CDH4: variants seen among roughly 807,000 people sequenced by gnomAD.
The protein encoded by CDH4 is cadherin-4.
A neutral mutation model predicts 86.0 loss-of-function variants in CDH4; 33 were observed. The ratio of observed to expected loss-of-function variants is 0.38; its 90% CI spans 0.29 to 0.51. CDH4 has a LOEUF of 0.51. CDH4 is among the 20% of genes least tolerant of loss of function. The pLI is 0.86. For synonymous variants in CDH4, 555 were observed against 549.4 expected (o/e 1.01, Z -0.14); for missense variants, 1,114 against 1,307.4 (o/e 0.85, Z 2.28).
At chr20:61,257,750 T>C (rs2084106839) in intron 2 of CDH4, among the ~76,000 whole-genome samples, 1 of 152,242 alleles carries the variant, frequency 6.6e-6, no homozygotes, top group African/African-American at 2.4e-5. Flanking sequence ...CTCTGCTTTG[T>C]TAATAATTAA....
rs201838814 is a variant in CDH4, at chr20:61,647,578, C to CCCCT, written c.170-95983_170-95980dup. Reference sequence around the variant, plus strand: ...CTCTCCCTCTCCCTCTCCCTCCCTCCCCCTCTCCTCTCTCTCCTCACAAGG... The same window carrying CCCCT: ...CTCTCCCTCTCCCTCTCCCTCCCTCCCCCTCCCTCTCCTCTCTCTCCTCACAAGG... On this transcript the variant is annotated intron_variant, in intron 2 of 15. Transcript: ENST00000614565. Among the ~76,000 whole-genome samples the CCCCT allele has an allele frequency of 7.3e-4, 78 of 107,200 alleles. 1 individual carries two copies. In the East Asian group the frequency reaches 0.018, roughly 24 times the overall value. 70.3% of individuals were successfully genotyped at this position (107,200 alleles called of 152,430 possible).
At chr20:61,275,112 TGTGCAGTTTTG>T (rs2084220808) in intron 2 of CDH4, among the ~76,000 whole-genome samples, 1 of 100,318 alleles carries the variant, frequency 1.0e-5, no homozygotes, top group African/African-American at 4.1e-5. Flanking sequence ...GGGAGTACTG[TGTGCAGTTTTG>T]GGGAGTACTG....
At chr20:61,903,935 G>A (rs1454007226) in intron 8 of CDH4, among the ~76,000 whole-genome samples, 5 of 152,316 alleles carry the variant, frequency 3.3e-5, no homozygotes, top group Admixed American at 6.5e-5. Context: ...GTCTCCTTGC[G>A]AGGGCCCGCA....
At chr20:61,394,878 C>T (rs2085007718) in intron 2 of CDH4, among the ~76,000 whole-genome samples, 1 of 136,846 alleles carries the variant, frequency 7.3e-6, no homozygotes, top group African/African-American at 2.7e-5. Context: ...GGGCTGTGAG[C>T]CCTCACAACC....
chr20:61,706,506 G>A (rs1404230364), intron 2 of CDH4, among the ~76,000 whole-genome samples: 1 of 152,220 alleles, frequency 6.6e-6, no homozygotes, highest in African/African-American at 2.4e-5. Context: ...CAGGAACGGA[G>A]AAAGTTTAGC....
At chr20:61,875,367 C>T (rs960723432) in intron 7 of CDH4, among the ~76,000 whole-genome samples, 9 of 151,988 alleles carry the variant, frequency 5.9e-5, no homozygotes, top group South Asian at 4.1e-4. Flanking sequence ...ATGCGGCTTG[C>T]GGGGAAGGCG....
At chr20:61,857,558 A>G (rs1301946723) in intron 6 of CDH4, among the ~76,000 whole-genome samples, 1 of 152,232 alleles carries the variant, frequency 6.6e-6, no homozygotes, top group Non-Finnish European at 1.5e-5. Flanking sequence ...GGGGCCCCCC[A>G]TGTGGAGGGA....
chr20:61,889,128 C>T (rs868266698), intron 7 of CDH4, among the ~76,000 whole-genome samples: 10 of 152,240 alleles, frequency 6.6e-5, no homozygotes, highest in Admixed American at 2.0e-4. Flanking sequence ...TCCCTCCTCC[C>T]TCTAGTGAGC....
At chr20:61,472,952 A>G (rs2085513764) in intron 2 of CDH4, among the ~76,000 whole-genome samples, 1 of 152,026 alleles carries the variant, frequency 6.6e-6, no homozygotes, top group South Asian at 2.1e-4. Flanking sequence ...TCAATTAAAA[A>G]CTGTTATATG....
At chr20:61,319,342 G>A (rs979402583) in intron 2 of CDH4, among the ~76,000 whole-genome samples, 28 of 152,028 alleles carry the variant, frequency 1.8e-4, no homozygotes, top group Non-Finnish European at 2.9e-4. Flanking sequence ...AGAATTCATC[G>A]ATTAAAAATT....
intron 6 of CDH4, among the ~76,000 whole-genome samples, chr20:61,858,350 T>A (rs1320085381): frequency 1.3e-5 from 2 of 152,078 alleles, no homozygotes; most frequent in Admixed American, 1.3e-4. Flanking sequence ...TCTGCGTATG[T>A]GTCTCTCTGT....
intron 2 of CDH4, among the ~76,000 whole-genome samples, chr20:61,424,076 G>C (rs1474578113): frequency 2.0e-5 from 3 of 151,508 alleles, no homozygotes. Context: ...TCCACACACA[G>C]CACACACGTA....
intron 2 of CDH4, among the ~76,000 whole-genome samples, chr20:61,637,546 C>T (rs537998583): frequency 1.3e-5 from 2 of 152,316 alleles, no homozygotes; most frequent in South Asian, 4.2e-4. Context: ...CCTGTCACTG[C>T]CCTATGTCAG....
chr20:61,437,996 A>C (rs2085294399), intron 2 of CDH4, among the ~76,000 whole-genome samples: 1 of 152,228 alleles, frequency 6.6e-6, no homozygotes, highest in Non-Finnish European at 1.5e-5. Context: ...CCACTTCAGC[A>C]GGAAGACAGC....
chr20:61,576,762 C>G (rs1392814916), intron 2 of CDH4, among the ~76,000 whole-genome samples: 1 of 152,156 alleles, frequency 6.6e-6, no homozygotes, highest in African/African-American at 2.4e-5. Context: ...TCAGAAATGT[C>G]AGGCGAATGA....
At chr20:61,765,066 T>C (rs1447941248) in intron 3 of CDH4, among the ~76,000 whole-genome samples, 2 of 152,166 alleles carry the variant, frequency 1.3e-5, no homozygotes, top group African/African-American at 2.4e-5. Flanking sequence ...CTGCACCTTG[T>C]AGACACATCC....
intron 2 of CDH4, among the ~76,000 whole-genome samples, chr20:61,263,148 C>T (rs1301350474): frequency 1.3e-5 from 2 of 152,086 alleles, no homozygotes; most frequent in Non-Finnish European, 2.9e-5. Flanking sequence ...CTTGTAAAAC[C>T]TCATGGCATT....
intron 4 of CDH4, among the ~76,000 whole-genome samples, chr20:61,831,974 C>T (rs1981639347): frequency 6.6e-6 from 1 of 152,136 alleles, no homozygotes; most frequent in Non-Finnish European, 1.5e-5. Context: ...AGCCTGCCTG[C>T]ATCCACTTCC....
intron 2 of CDH4, chr20:61,570,409 G>A (rs1484710011): frequency 3.1e-5 from 14 of 455,734 alleles, no homozygotes; most frequent in East Asian, 3.6e-5. Flanking sequence ...GGCTGCAGAC[G>A]TACACTTTGG....
Sources: allele counts gnomAD v4.1 joint callset (sites outside exome capture counted in the v4.1 genomes callset), GRCh38; gene constraint gnomAD v4.1.1; transcripts MANE v1.5; gene names NCBI Gene and HGNC (gene_info 2026-07-23, HGNC 2026-07-21).